Variants in CDH23 observed in about 807,000 individuals in gnomAD.
The protein encoded by CDH23 is cadherin related 23.
Under a neutral mutation model 317.1 loss-of-function variants are expected in CDH23, and 189 were observed. The ratio of observed to expected loss-of-function variants is 0.60; its 90% CI spans 0.53 to 0.67. The LOEUF (loss-of-function observed/expected upper bound fraction) is 0.67, where lower values mean the gene tolerates loss of function less well. CDH23 is among the 30% of genes least tolerant of loss of function. CDH23 has a pLI of 0.00. For missense variants in CDH23, 4,401 were observed against 4,592.4 expected, an observed-to-expected ratio of 0.96 and a Z score of 1.20; for synonymous variants, 1,839 against 1,876.8, an observed-to-expected ratio of 0.98 and a Z score of 0.52.
intron 3 of CDH23, among the ~76,000 whole-genome samples, chr10:71,482,422 T>G (rs1852116785): frequency 6.6e-6 from 1 of 152,204 alleles, no homozygotes; most frequent in African/African-American, 2.4e-5. Context: ...CCTCTCTATC[T>G]TCTTCTTCTT....
rs12572738 is a variant in CDH23, at chr10:71,645,652, G to T, written c.1141-179G>T. The T allele has an allele frequency of 2.0e-5, 16 of 780,544 alleles. No homozygotes were observed. The East Asian group carries it at 3.9e-4, about 19-fold the overall frequency. The allele number at this position is 780,544 out of a possible 1,614,324, so 48.4% of individuals were successfully genotyped here. On this transcript the variant is annotated intron_variant, in intron 12 of 69. Transcript: ENST00000224721. ...AGGTTTCCAGAGGGCCTAGACATGGGTGGGTCATGGAGTCTTGGAGCTGCT... is the reference window on the plus strand; with the variant it reads ...AGGTTTCCAGAGGGCCTAGACATGGTTGGGTCATGGAGTCTTGGAGCTGCT...
chr10:71,705,247 C>T, intron 25 of CDH23, 117 bp downstream of exon 25: 1 of 970,190 alleles, frequency 1.0e-6, no homozygotes, highest in Non-Finnish European at 1.5e-6. Flanking sequence ...CTTGTAGGCA[C>T]AGGCTCCCTT....
chr10:71,673,382 G>A (rs923153775), intron 14 of CDH23, among the ~76,000 whole-genome samples: 8 of 152,244 alleles, frequency 5.3e-5, no homozygotes, highest in African/African-American at 1.9e-4. Context: ...CCAAGACCAA[G>A]CTGCAGTTGT....
intron 22 of CDH23, 104 bp downstream of exon 22, chr10:71,695,629 T>A: frequency 1.3e-6 from 1 of 746,754 alleles, no homozygotes. Flanking sequence ...GCTGGTGGAC[T>A]CTGTGTCCCT....
intron 28 of CDH23, among the ~76,000 whole-genome samples, chr10:71,722,913 G>A (rs1207349092): frequency 1.3e-5 from 2 of 152,180 alleles, no homozygotes; most frequent in Non-Finnish European, 1.5e-5. Context: ...GAGAGGGGCT[G>A]TTGATATTCC....
Position 71,526,809 on chromosome 10 carries a change from G to A in CDH23, c.429+15597G>A, listed in dbSNP as rs956403589. Among the ~76,000 whole-genome samples, 6 of 152,282 alleles carry A rather than the reference G, an allele frequency of 3.9e-5. No homozygotes were observed. The South Asian group carries it at 1.2e-3, about 32-fold the overall frequency. On this transcript the variant is annotated intron_variant, in intron 6 of 69. Coordinates refer to ENST00000224721, the MANE Select transcript of CDH23 (RefSeq NM_022124.6). ...GGATTCTCCCTCTTTTAAAAATGAG[G>A]AAGCTGGGGCTCAGAGAGGTTAAGT...
At chr10:71,609,770 G>C (rs1011320748) in intron 9 of CDH23, among the ~76,000 whole-genome samples, 1 of 152,126 alleles carries the variant, frequency 6.6e-6, no homozygotes, top group African/African-American at 2.4e-5. Flanking sequence ...TCTGACGAAC[G>C]TCACCAGCCC....
At chr10:71,635,220 T>C (rs1862206545) in intron 11 of CDH23, 1 of 152,644 alleles carries the variant, frequency 6.6e-6, no homozygotes, top group African/African-American at 2.4e-5. Flanking sequence ...CCAACGCACA[T>C]TATAATTCTT....
chr10:71,731,267 C>T (rs1360828038), intron 31 of CDH23, among the ~76,000 whole-genome samples: 1 of 152,202 alleles, frequency 6.6e-6, no homozygotes, highest in African/African-American at 2.4e-5. Context: ...AGAGAGGCTC[C>T]CTGAGCTGCT....
intron 6 of CDH23, among the ~76,000 whole-genome samples, chr10:71,555,772 G>A (rs1054361813): frequency 3.9e-5 from 6 of 152,180 alleles, no homozygotes; most frequent in Admixed American, 2.0e-4. Context: ...TCATGCTTGG[G>A]TATCACACTT....
In CDH23 at chr10:71,815,240, G is replaced by A. The variant is rs756425157; in HGVS notation, c.10027G>A (p.Val3343Met). 1.4e-5 allele frequency: 22 copies of A among 1,590,860 alleles called. No individual in the cohort carries two copies. The East Asian group carries it at 2.7e-4, about 20-fold the overall frequency. The part of the protein sequence containing the change: ...KSTPLHKLRD[V>M]IMETPLEITE... ...CACACCCCTGCACAAACTTCGCGAC[G>A]TGATCATGGAGACCCCCCTGGAGAT... The change falls in exon 70 of 70, where the codon GTG becomes ATG. Residue 3343 changes from valine to methionine, a missense_variant. Coordinates refer to ENST00000224721, the MANE Select transcript of CDH23 (RefSeq NM_022124.6).
chr10:71,630,427 G>A (rs1000134221), intron 11 of CDH23, among the ~76,000 whole-genome samples: 1 of 152,184 alleles, frequency 6.6e-6, no homozygotes, highest in Non-Finnish European at 1.5e-5. Context: ...ATTCAGATGG[G>A]GCCTGTGGAG....
chr10:71,651,553 C>CA (rs35848156), intron 14 of CDH23, among the ~76,000 whole-genome samples: 52,297 of 135,608 alleles, frequency 0.39, 9,937 homozygotes, highest in Non-Finnish European at 0.46. Context: ...GACCCTATCT[C>CA]AAAAAAAAAA....
chr10:71,441,204 T>C (rs1849859451), intron 2 of CDH23, among the ~76,000 whole-genome samples: 1 of 152,090 alleles, frequency 6.6e-6, no homozygotes, highest in Admixed American at 6.5e-5. Flanking sequence ...GGGTCTGTTA[T>C]CCTCCATGGG....
At chr10:71,721,446 T>C (rs1225194555) in intron 28 of CDH23, among the ~76,000 whole-genome samples, 2 of 152,194 alleles carry the variant, frequency 1.3e-5, no homozygotes, top group Non-Finnish European at 2.9e-5. Context: ...ACTTCTGATC[T>C]TCCCCTCAAC....
At chr10:71,584,314 T>C (rs1244639590) in intron 9 of CDH23, among the ~76,000 whole-genome samples, 1 of 152,110 alleles carries the variant, frequency 6.6e-6, no homozygotes. Context: ...AGAAACCCTC[T>C]AGAATCAAGG....
At chr10:71,453,520 G>A (rs572367942) in intron 3 of CDH23, among the ~76,000 whole-genome samples, 244 of 152,380 alleles carry the variant, frequency 1.6e-3, no homozygotes, top group Non-Finnish European at 2.9e-3. Context: ...GGCAGGCACG[G>A]AGGCATAGGT....
chr10:71,532,317 C>T (rs1855418373), intron 6 of CDH23, among the ~76,000 whole-genome samples: 1 of 152,236 alleles, frequency 6.6e-6, no homozygotes, highest in Non-Finnish European at 1.5e-5. Context: ...TCTCCGCCAG[C>T]CTCCTGGCTG....
chr10:71,789,064 G>C, intron 45 of CDH23, 22 bp downstream of exon 45: 1 of 1,213,628 alleles, frequency 8.2e-7, no homozygotes, highest in Non-Finnish European at 1.2e-6. Flanking sequence ...GCCCACCCGG[G>C]AGCTCCTGCT....
Sources: allele counts gnomAD v4.1 joint callset (sites outside exome capture counted in the v4.1 genomes callset), GRCh38; gene constraint gnomAD v4.1.1; transcripts MANE v1.5; gene names NCBI Gene and HGNC (gene_info 2026-07-23, HGNC 2026-07-21).